Variants in TASP1 observed in about 807,000 individuals in gnomAD.
TASP1 encodes the protein threonine aspartase 1.
Under a neutral mutation model 56.6 loss-of-function variants are expected in TASP1, and 16 were observed. The observed-to-expected ratio is 0.28, with a 90% CI of 0.19 to 0.43. TASP1 has a LOEUF of 0.43. Ranked by LOEUF, TASP1 falls within the 20% of genes least tolerant of loss-of-function variation. The pLI is 1.00. For missense variants in TASP1, 393 were observed against 511.6 expected (o/e 0.77, Z 2.24); for synonymous variants, 179 against 184.2 (o/e 0.97, Z 0.23).
intron 3 of TASP1, among the ~76,000 whole-genome samples, chr20:13,623,810 C>G (rs2048796205): frequency 6.6e-6 from 1 of 152,166 alleles, no homozygotes; most frequent in East Asian, 1.9e-4. Context: ...AAAATAGCCA[C>G]AGAAATTGTA....
At chr20:13,490,809 C>T (rs34967475) in intron 10 of TASP1, among the ~76,000 whole-genome samples, 2,866 of 152,074 alleles carry the variant, frequency 0.019, 47 homozygotes, top group Non-Finnish European at 0.029. Flanking sequence ...GGCTCAGTTT[C>T]CATAGCTGTA....
At chr20:13,496,798 A>C (rs2043746807) in intron 10 of TASP1, among the ~76,000 whole-genome samples, 1 of 152,198 alleles carries the variant, frequency 6.6e-6, no homozygotes, top group Admixed American at 6.5e-5. Context: ...CAGCACTCCC[A>C]CTGTAATAAC....
chr20:13,144,034 C>T, the TASP1 span, among the ~76,000 whole-genome samples: 1 of 152,156 alleles, frequency 6.6e-6, no homozygotes, highest in African/African-American at 2.4e-5. Flanking sequence ...GCTTCCAGGG[C>T]TCTCTAATAC....
chr20:13,336,135 T>A, the TASP1 span, among the ~76,000 whole-genome samples: 1 of 152,036 alleles, frequency 6.6e-6, no homozygotes, highest in African/African-American at 2.4e-5. Context: ...TCAATAACAG[T>A]AAGTTTCCAG....
intron 11 of TASP1, among the ~76,000 whole-genome samples, chr20:13,473,123 G>C (rs887723043): frequency 2.6e-5 from 4 of 152,132 alleles, no homozygotes; most frequent in African/African-American, 7.2e-5. Context: ...TTAAGAAAAT[G>C]TGGCACATAT....
chr20:13,339,850 A>G, the TASP1 span, among the ~76,000 whole-genome samples: 1 of 152,010 alleles, frequency 6.6e-6, no homozygotes, highest in Non-Finnish European at 1.5e-5. Flanking sequence ...TCAATATGAA[A>G]ACAGTTAGGT....
the TASP1 span, among the ~76,000 whole-genome samples, chr20:13,297,929 C>T: frequency 6.6e-6 from 1 of 152,080 alleles, no homozygotes; most frequent in Admixed American, 6.5e-5. Flanking sequence ...CTCTTTGAGG[C>T]GCCTTGCCAT....
chr20:13,336,621 C>T, the TASP1 span, among the ~76,000 whole-genome samples: 2 of 152,114 alleles, frequency 1.3e-5, no homozygotes, highest in Non-Finnish European at 2.9e-5. Context: ...TGAGAGAGAC[C>T]ATCCTAGAAA....
the TASP1 span, among the ~76,000 whole-genome samples, chr20:13,374,786 A>C: frequency 6.6e-6 from 1 of 152,126 alleles, no homozygotes; most frequent in Non-Finnish European, 1.5e-5. Flanking sequence ...TAGCTAGTCC[A>C]TTTTGATAAA....
chr20:13,542,045 C>CAA (rs374309655), intron 8 of TASP1, among the ~76,000 whole-genome samples: 25 of 66,672 alleles, frequency 3.7e-4, no homozygotes, highest in African/African-American at 4.5e-4. Context: ...ACTCCGTCTC[C>CAA]AAAAAAAAAA....
At chr20:13,144,137 A>C in the TASP1 span, among the ~76,000 whole-genome samples, 1 of 152,232 alleles carries the variant, frequency 6.6e-6, no homozygotes. Flanking sequence ...CAAACATTCT[A>C]GGCAAGTACT....
At chr20:13,453,623 T>C (rs1340285505) in intron 11 of TASP1, among the ~76,000 whole-genome samples, 1 of 151,814 alleles carries the variant, frequency 6.6e-6, no homozygotes, top group African/African-American at 2.4e-5. Flanking sequence ...CCTAGAAGAG[T>C]GCATGGATAG....
chr20:13,154,393 C>T, the TASP1 span, among the ~76,000 whole-genome samples: 1 of 152,146 alleles, frequency 6.6e-6, no homozygotes, highest in Non-Finnish European at 1.5e-5. Context: ...AATCACTTAT[C>T]TCCCTCAGCC....
chr20:13,576,397 G>GAAAGAAA (rs1568603463), intron 6 of TASP1, among the ~76,000 whole-genome samples: 1 of 149,808 alleles, frequency 6.7e-6, no homozygotes, highest in African/African-American at 2.5e-5. Context: ...AAGAAAGAAA[G>GAAAGAAA]TCAGTCTTAT....
chr20:13,429,346 C>T (rs1031206525), intron 12 of TASP1, among the ~76,000 whole-genome samples: 2 of 151,832 alleles, frequency 1.3e-5, no homozygotes, highest in African/African-American at 2.4e-5. Flanking sequence ...CAAGTTATTG[C>T]GGGAAAAAAA....
chr20:13,483,116 T>G lies in TASP1; in HGVS notation c.985+111A>C, dbSNP rs1033110684. 9 of 720,350 alleles carry G rather than the reference T, an allele frequency of 1.2e-5. No individual in the cohort carries two copies. The African/African-American group carries it at 1.3e-4, about 10-fold the overall frequency. 44.6% of individuals were successfully genotyped at this position (720,350 alleles called of 1,614,324 possible). A position where few individuals can be genotyped will look rare whatever the true frequency, so the allele number is the denominator to read the frequency against. ...ATTAACTGTGGTTCTTTTCCTCTGC[T>G]AGACCCTAGAGGTAGGTCTAGAAAT... On this transcript the variant is annotated intron_variant, in intron 11 of 13. Coordinates refer to ENST00000337743, the MANE Select transcript of TASP1 (RefSeq NM_017714.3).
the TASP1 span, among the ~76,000 whole-genome samples, chr20:13,321,569 G>A: frequency 6.6e-6 from 1 of 152,170 alleles, no homozygotes; most frequent in South Asian, 2.1e-4. Context: ...CTGGTGCCTT[G>A]AAGCCTCAGC....
At chr20:13,602,018 A>G (rs2047980434) in intron 4 of TASP1, among the ~76,000 whole-genome samples, 1 of 151,660 alleles carries the variant, frequency 6.6e-6, no homozygotes. Context: ...CTGGGACTAC[A>G]GGTACCCGCC....
chr20:13,128,212 G>A, the TASP1 span, among the ~76,000 whole-genome samples: 4 of 152,268 alleles, frequency 2.6e-5, no homozygotes, highest in East Asian at 1.9e-4. Flanking sequence ...TGAGGTGATC[G>A]ACAAGTATTT....
Sources: gnomAD v4.1 joint callset for allele counts (sites outside exome capture counted in the v4.1 genomes callset) on GRCh38, gnomAD v4.1.1 for gene constraint, MANE v1.5 for transcripts, NCBI Gene and HGNC (gene_info 2026-07-23, HGNC 2026-07-21) for gene names.